SUSD1: variants seen among roughly 807,000 people sequenced by gnomAD.
The protein encoded by SUSD1 is sushi domain-containing protein 1.
A neutral mutation model predicts 86.9 loss-of-function variants in SUSD1; 65 were observed. The ratio of observed to expected loss-of-function variants is 0.75; its 90% CI spans 0.61 to 0.92. The LOEUF (loss-of-function observed/expected upper bound fraction) is 0.92. Ranked by LOEUF, SUSD1 falls within the 40% of genes least tolerant of loss-of-function variation. The probability of loss-of-function intolerance (pLI) is 0.00; values close to 1 mark genes in which losing one functional copy is unlikely to be tolerated. For synonymous variants in SUSD1, 346 were observed against 350.0 expected (o/e 0.99, Z 0.13); for missense variants, 850 against 929.7 (o/e 0.91, Z 1.11).
At chr9:112,111,992 G>T in intron 7 of SUSD1, 152 bp from the exon 8 acceptor site, 1 of 713,150 alleles carries the variant, frequency 1.4e-6, no homozygotes, top group Non-Finnish European at 2.3e-6. Flanking sequence ...TGCTGATAAA[G>T]TCTGATCAGC....
At chr9:112,127,644 G>A (rs932733227) in intron 5 of SUSD1, among the ~76,000 whole-genome samples, 1 of 152,152 alleles carries the variant, frequency 6.6e-6, no homozygotes, top group Non-Finnish European at 1.5e-5. Flanking sequence ...TTATAGCAGT[G>A]AACAAAGTGG....
intron 5 of SUSD1, among the ~76,000 whole-genome samples, chr9:112,130,289 C>T (rs909187813): frequency 1.1e-4 from 17 of 151,862 alleles, no homozygotes; most frequent in Admixed American, 1.3e-4. Context: ...AGGAGGATCG[C>T]TTGAACCTGG....
intron 9 of SUSD1, among the ~76,000 whole-genome samples, chr9:112,099,821 G>C (rs768231261): frequency 2.0e-5 from 3 of 152,196 alleles, no homozygotes; most frequent in Non-Finnish European, 4.4e-5. Context: ...GACCCTGACA[G>C]GTGGTTCATA....
intron 9 of SUSD1, among the ~76,000 whole-genome samples, chr9:112,100,189 TTTG>T (rs964658582): frequency 1.4e-4 from 21 of 152,214 alleles, no homozygotes; most frequent in African/African-American, 4.8e-4. Context: ...ATCTAATTTT[TTTG>T]TTGTTGTTTT....
chr9:112,145,584 T>A (rs1832776978), intron 3 of SUSD1, among the ~76,000 whole-genome samples: 1 of 152,188 alleles, frequency 6.6e-6, no homozygotes, highest in South Asian at 2.1e-4. Context: ...CTGGCTATAA[T>A]TTCTTTTTCT....
At chr9:112,138,336 G>A (rs923090901) in intron 5 of SUSD1, among the ~76,000 whole-genome samples, 8 of 128,026 alleles carry the variant, frequency 6.2e-5, no homozygotes, top group Non-Finnish European at 1.3e-4. Flanking sequence ...ACATTTTGAT[G>A]TATGGCATTC....
At chr9:112,165,942 GAAGAAAGAAAGAAAGAAAGAAAGA>G (rs10525522) in intron 1 of SUSD1, among the ~76,000 whole-genome samples, 18 of 71,962 alleles carry the variant, frequency 2.5e-4, no homozygotes, top group African/African-American at 9.3e-4. Context: ...AAGAAAGAAA[GAAGAAAGAAAGAAAGAAAGAAAGA>G]AAGAAAGAAA....
intron 5 of SUSD1, among the ~76,000 whole-genome samples, chr9:112,125,865 G>C (rs2762474): frequency 6.6e-6 from 1 of 152,006 alleles, no homozygotes; most frequent in South Asian, 2.1e-4. Context: ...GGATGCTTGG[G>C]CTGTTGCAGG....
chr9:112,123,824 C>CTA (rs1373305485), intron 6 of SUSD1, among the ~76,000 whole-genome samples: 1 of 152,012 alleles, frequency 6.6e-6, no homozygotes, highest in Admixed American at 6.6e-5. Flanking sequence ...AGAAATAAAA[C>CTA]TATATTAGAT....
At chr9:112,156,803 A>G (rs936477702) in intron 2 of SUSD1, among the ~76,000 whole-genome samples, 2 of 152,176 alleles carry the variant, frequency 1.3e-5, no homozygotes, top group Non-Finnish European at 2.9e-5. Context: ...AAAACCATCA[A>G]TATTTTTAAT....
chr9:112,098,127 T>C (rs985330909), intron 10 of SUSD1, among the ~76,000 whole-genome samples: 1 of 152,174 alleles, frequency 6.6e-6, no homozygotes, highest in Non-Finnish European at 1.5e-5. Context: ...CTCCTGGAAG[T>C]TCGTTCTACT....
At chr9:112,042,061 G>A (rs1827765326) in intron 15 of SUSD1, 101 bp from the exon 16 acceptor site, 2 of 1,554,310 alleles carry the variant, frequency 1.3e-6, no homozygotes, top group East Asian at 4.9e-5. Flanking sequence ...CCCAGAGCTT[G>A]GCCCCATTTA....
rs543266185 is a variant in SUSD1 at position 112,117,850 on chromosome 9, G to T, written c.887-4982C>A. ...ATGTTGTGGAAAGGTTGAGAAGAAT[G>T]ACAGCTGAAACTGGAACATGAAATT... On this transcript the variant is annotated intron_variant, in intron 6 of 16. Transcript: ENST00000374270. Among the ~76,000 whole-genome samples the T allele has an allele frequency of 3.9e-5, 6 of 152,312 alleles. No homozygotes were observed. In the East Asian group the frequency reaches 1.2e-3, roughly 29 times the overall value.
At chr9:112,096,077 GT>G (rs1830384252) in intron 10 of SUSD1, among the ~76,000 whole-genome samples, 1 of 152,130 alleles carries the variant, frequency 6.6e-6, no homozygotes, top group South Asian at 2.1e-4. Context: ...AAATTGACAC[GT>G]GGTAGACTCC....
intron 10 of SUSD1, among the ~76,000 whole-genome samples, chr9:112,091,144 C>T (rs1830189412): frequency 6.6e-6 from 1 of 151,922 alleles, no homozygotes; most frequent in African/African-American, 2.4e-5. Flanking sequence ...CAATTTCTGG[C>T]TTGACCAACT....
chr9:112,167,621 G>A (rs139573419), intron 1 of SUSD1, among the ~76,000 whole-genome samples: 126 of 152,304 alleles, frequency 8.3e-4, no homozygotes, highest in African/African-American at 2.4e-3. Flanking sequence ...GGTTAGTTAC[G>A]ATCCTAGCTA....
chr9:112,174,898 C>T (rs1210940872), intron 1 of SUSD1, among the ~76,000 whole-genome samples: 6 of 151,682 alleles, frequency 4.0e-5, no homozygotes, highest in African/African-American at 1.5e-4. Context: ...TTAAAACCGG[C>T]GTCCCCCGGC....
intron 5 of SUSD1, among the ~76,000 whole-genome samples, chr9:112,129,712 G>A (rs986093558): frequency 2.0e-5 from 3 of 152,146 alleles, no homozygotes; most frequent in East Asian, 1.9e-4. Flanking sequence ...ATGCCTTCCC[G>A]AATATATGGA....
intron 12 of SUSD1, among the ~76,000 whole-genome samples, chr9:112,069,553 C>T (rs998059895): frequency 1.3e-5 from 2 of 152,186 alleles, no homozygotes; most frequent in Non-Finnish European, 2.9e-5. Context: ...TTTGCTATCA[C>T]CGAAATGCCC....
Sources: allele counts gnomAD v4.1 joint callset (sites outside exome capture counted in the v4.1 genomes callset), GRCh38; gene constraint gnomAD v4.1.1; transcripts MANE v1.5; gene names NCBI Gene and HGNC (gene_info 2026-07-23, HGNC 2026-07-21).